Variants in DYNC2H1 observed in about 807,000 individuals in gnomAD.
DYNC2H1 encodes the protein cytoplasmic dynein 2 heavy chain 1.
Under a neutral mutation model 570.0 loss-of-function variants are expected in DYNC2H1, and 410 were observed. The observed-to-expected ratio is 0.72, with a 90% confidence interval of 0.66 to 0.78. DYNC2H1 has a LOEUF of 0.78. Among genes scored for constraint, DYNC2H1 ranks in the 30% least tolerant of loss-of-function variants. The pLI is 0.00. For missense variants in DYNC2H1, 4,865 were observed against 5,046.4 expected (o/e 0.96, Z 1.09); for synonymous variants, 1,688 against 1,677.6 (o/e 1.01, Z -0.15).
At chr11:103,231,402 A>G in intron 60 of DYNC2H1, 56 bp downstream of exon 60, 1 of 1,152,372 alleles carries the variant, frequency 8.7e-7, no homozygotes, top group South Asian at 1.6e-5. Flanking sequence ...TACATTTGAC[A>G]TCTTGATTTC....
chr11:103,117,812 T>C lies in DYNC2H1; in HGVS notation c.948T>C (p.Asn316=). Residue 316 remains asparagine, a synonymous_variant, in exon 6 of 89, where the codon AAT becomes AAC. Transcript: ENST00000375735. ...WQRYVPHPWK[N]EKYFPETLDK... is the part of the protein sequence containing the mutation. The stretch of plus-strand genomic sequence containing the variant: ...GCTATGTTCCTCATCCATGGAAAAA[T>C]GAAAAATATTTTCCAGAAACACTTG... The C allele has an allele frequency of 6.2e-7, 1 of 1,613,098 alleles. No homozygotes were observed. Among genetic ancestry groups the C allele is most frequent in the Non-Finnish European group, 8.5e-7 (1 of 1,179,346 alleles).
In DYNC2H1 at chr11:103,461,430, C is replaced by T. The variant is rs920560824; in HGVS notation, c.12648+5074C>T. Among the ~76,000 whole-genome samples the T allele has an allele frequency of 6.6e-6, 1 of 152,068 alleles. No individual in the cohort carries two copies. Among genetic ancestry groups the T allele is most frequent in the African/African-American group, 2.4e-5 (1 of 41,392 alleles). ...CATATTTATGTATTGATTTTCAGTT[C>T]CTGAACATGGCCCTCTAAAATTCCT... is the stretch of plus-strand genomic sequence containing the variant. On this transcript the variant is annotated intron_variant, in intron 87 of 88. Coordinates refer to ENST00000375735, the MANE Select transcript of DYNC2H1 (RefSeq NM_001377.3). The surrounding 1 kb of genome is among the most constrained non-coding windows in gnomAD (Gnocchi z 4.8).
intron 34 of DYNC2H1, among the ~76,000 whole-genome samples, chr11:103,172,239 T>C (rs1172005348): frequency 6.6e-6 from 1 of 152,092 alleles, no homozygotes; most frequent in Non-Finnish European, 1.5e-5. Context: ...CACTTTTTTT[T>C]CTTCTCTTAC....
chr11:103,348,590 T>C (rs959822451), intron 82 of DYNC2H1, among the ~76,000 whole-genome samples: 12 of 152,220 alleles, frequency 7.9e-5, no homozygotes, highest in African/African-American at 2.9e-4. Flanking sequence ...TCACTCAGTG[T>C]AATTATCATA....
At chr11:103,370,501 C>A (rs553955222) in intron 83 of DYNC2H1, among the ~76,000 whole-genome samples, 3 of 152,184 alleles carry the variant, frequency 2.0e-5, no homozygotes, top group Admixed American at 2.0e-4. Context: ...GGAGTGGTTA[C>A]TGCAGGCCTT....
chr11:103,467,411 T>C (rs934474772), intron 87 of DYNC2H1, among the ~76,000 whole-genome samples: 4 of 152,346 alleles, frequency 2.6e-5, no homozygotes, highest in Middle Eastern at 3.4e-3. Context: ...ATTCCCTGAC[T>C]GTATGTTGCT....
intron 18 of DYNC2H1, among the ~76,000 whole-genome samples, chr11:103,143,947 T>C (rs1185654302): frequency 6.6e-6 from 1 of 152,252 alleles, no homozygotes; most frequent in African/African-American, 2.4e-5. Context: ...TGTGTAATCA[T>C]GCATATGTCA....
intron 87 of DYNC2H1, among the ~76,000 whole-genome samples, chr11:103,463,141 C>T (rs1399421742): frequency 6.6e-6 from 1 of 151,996 alleles, no homozygotes; most frequent in Non-Finnish European, 1.5e-5. Flanking sequence ...TGTGATTCAT[C>T]CACTCTTATC....
chr11:103,339,629 A>C (rs993696649), intron 82 of DYNC2H1, among the ~76,000 whole-genome samples: 1 of 144,286 alleles, frequency 6.9e-6, no homozygotes, highest in African/African-American at 2.5e-5. Flanking sequence ...CGTTGCCTGG[A>C]GTTGGGGGAG....
chr11:103,436,039 C>T lies in DYNC2H1; in HGVS notation c.12456+7C>T, dbSNP rs372189534. ...CCGTGCCCTTGCAATACAGGTATGC[C>T]TAAATTATTTACTAAGTGGGTTGTC... On this transcript the variant is annotated splice_region_variant and intron_variant, in intron 85 of 88. Coordinates refer to ENST00000375735, the MANE Select transcript of DYNC2H1 (RefSeq NM_001377.3). 163 of 1,610,966 alleles carry T rather than the reference C, an allele frequency of 1.0e-4. No individual in the cohort carries two copies. The highest frequency in any genetic ancestry group is 1.3e-4 in the Non-Finnish European group (159 of 1,178,204).
intron 83 of DYNC2H1, among the ~76,000 whole-genome samples, chr11:103,385,105 T>G (rs908260612): frequency 6.6e-6 from 1 of 152,144 alleles, no homozygotes; most frequent in African/African-American, 2.4e-5. Context: ...CTTGATTTTC[T>G]GCAGTTATAC....
At chr11:103,332,015 G>A (rs544333025) in intron 82 of DYNC2H1, among the ~76,000 whole-genome samples, 3 of 151,616 alleles carry the variant, frequency 2.0e-5, no homozygotes, top group South Asian at 4.2e-4. Context: ...AGCCGAGATC[G>A]TGCCACTGCA....
Position 103,114,087 on chromosome 11 carries a change from G to A in DYNC2H1, c.367-16G>A, listed in dbSNP as rs1167620990. ...ATTTTGATCAATCTTGGTTGCTCTTGTCTGTTTTTATTTAGGATCAGGAAT... is the reference window on the plus strand; with the variant it reads ...ATTTTGATCAATCTTGGTTGCTCTTATCTGTTTTTATTTAGGATCAGGAAT... On this transcript the variant is annotated splice_polypyrimidine_tract_variant and intron_variant, in intron 2 of 88. Transcript: ENST00000375735. 1 of 1,606,482 alleles carries A rather than the reference G, an allele frequency of 6.2e-7. No homozygotes were observed. Among genetic ancestry groups the A allele is most frequent in the Non-Finnish European group, 8.5e-7 (1 of 1,176,044 alleles).
At chr11:103,153,224 A>G in intron 21 of DYNC2H1, 79 bp from the exon 22 acceptor site, 1 of 1,274,550 alleles carries the variant, frequency 7.8e-7, no homozygotes, top group Non-Finnish European at 1.1e-6. Context: ...TTTTAAATAG[A>G]AAATATTAGA....
chr11:103,458,069 T>C (rs1182351797), intron 87 of DYNC2H1, among the ~76,000 whole-genome samples: 1 of 152,240 alleles, frequency 6.6e-6, no homozygotes, highest in East Asian at 1.9e-4. Context: ...TAATATATAG[T>C]AGTGTCCTAG....
chr11:103,177,918 C>G lies in DYNC2H1; in HGVS notation c.6139+98C>G. On this transcript the variant is annotated intron_variant, in intron 38 of 88. Coordinates refer to ENST00000375735, the MANE Select transcript of DYNC2H1 (RefSeq NM_001377.3). The surrounding 1 kb of genome is among the most constrained non-coding windows in gnomAD (Gnocchi z 4.4). The stretch of plus-strand genomic sequence containing the variant: ...GTCTTTGTCAAGACTTCTACATGAC[C>G]ATAAAGTCATAATTAAGTTAAAATG... The G allele has an allele frequency of 7.7e-7, 1 of 1,300,862 alleles. No individual in the cohort carries two copies. The highest frequency in any genetic ancestry group is 2.8e-5 in the East Asian group (1 of 35,768). 80.6% of individuals were successfully genotyped at this position (1,300,862 alleles called of 1,614,324 possible).
rs1481306452 is a variant in DYNC2H1, at chr11:103,157,117, C to T, written c.4127+347C>T. Among the ~76,000 whole-genome samples, 1 of 152,124 alleles carries T rather than the reference C, an allele frequency of 6.6e-6. No individual in the cohort carries two copies. The highest frequency in any genetic ancestry group is 1.9e-4 in the East Asian group (1 of 5,194). On this transcript the variant is annotated intron_variant, in intron 26 of 88. Coordinates refer to ENST00000375735, the MANE Select transcript of DYNC2H1 (RefSeq NM_001377.3). The surrounding 1 kb of genome is among the most constrained non-coding windows in gnomAD (Gnocchi z 4.2). ...GAGCATTTCTTCTTTCTTAGAAAGT[C>T]TCTTCCATTGGCTTCTGTGATTTCG...
At chr11:103,123,041 T>C (rs770167297) in intron 11 of DYNC2H1, 41 bp downstream of exon 11, 28 of 1,274,450 alleles carry the variant, frequency 2.2e-5, no homozygotes, top group Non-Finnish European at 2.7e-5. Flanking sequence ...CAAAACCATA[T>C]GTTATTAATC....
rs370622418 is a variant in DYNC2H1 at position 103,303,173 on chromosome 11, A to G, written c.11176A>G (p.Ile3726Val). Residue 3726 changes from isoleucine to valine, a missense_variant, in exon 76 of 89, where the codon ATT becomes GTT. Transcript: ENST00000375735. ...ACTGGAAATTGAACCCATCTTGATA[A>G]TTATTTCTCCGGGTGCTGATCCTTC... is the stretch of plus-strand genomic sequence containing the variant. ...ETLEIEPILIIISPGADPSQE... is the reference protein window; with the variant it reads ...ETLEIEPILIVISPGADPSQE... The G allele has an allele frequency of 2.0e-5, 33 of 1,612,666 alleles. No homozygotes were observed. The African/African-American group carries it at 4.1e-4, about 20-fold the overall frequency.
Sources: allele counts gnomAD v4.1 joint callset (sites outside exome capture counted in the v4.1 genomes callset), GRCh38; gene constraint gnomAD v4.1.1; non-coding constraint Gnocchi (gnomAD v3.1); transcripts MANE v1.5; gene names NCBI Gene and HGNC (gene_info 2026-07-23, HGNC 2026-07-21).